RB1CC1: variants seen among roughly 807,000 people sequenced by gnomAD.
RB1CC1 encodes the protein RB1 inducible coiled-coil 1.
RB1CC1 carries 46 observed loss-of-function variants against 177.5 expected under a neutral mutation model. The ratio of observed to expected loss-of-function variants is 0.26; its 90% CI spans 0.20 to 0.33. The LOEUF is 0.33. Ranked by LOEUF, RB1CC1 falls within the 10% of genes least tolerant of loss-of-function variation. The pLI, the probability that RB1CC1 is intolerant of heterozygous loss-of-function variation, is 1.00. For synonymous variants in RB1CC1, 666 were observed against 613.6 expected, an observed-to-expected ratio of 1.09 and a Z score of -1.26; for missense variants, 1,703 against 1,816.3, an observed-to-expected ratio of 0.94 and a Z score of 1.13.
In RB1CC1 at chr8:52,656,252, G is replaced by T; in HGVS notation, c.3577C>A (p.Gln1193Lys). The change falls in exon 15 of 24, where the codon CAA becomes AAA. Residue 1193 changes from glutamine (Q) to lysine (K), a missense_variant. Around this residue, in one of 6 missense-constraint regions of RB1CC1, gnomAD observed 1,169 missense variants for 1,184.7 expected, o/e 0.99. Coordinates refer to ENST00000025008, the MANE Select transcript of RB1CC1 (RefSeq NM_014781.5). ...LDSELSALER[Q>K]KDEKITQQEE... ...TGTTGGGTAATTTTTTCATCTTTTT[G>T]TCTTTCAAGAGCACTCAATTCTGAA... 6.2e-7 allele frequency: 1 copy of T among 1,612,794 alleles called. No homozygotes were observed.
intron 15 of RB1CC1, among the ~76,000 whole-genome samples, chr8:52,648,108 G>A (rs920367264): frequency 6.6e-6 from 1 of 152,086 alleles, no homozygotes; most frequent in Non-Finnish European, 1.5e-5. Context: ...TACACAAACA[G>A]ATATAGACAC....
At chr8:52,671,494 A>T (rs1222787388) in intron 7 of RB1CC1, among the ~76,000 whole-genome samples, 1 of 152,222 alleles carries the variant, frequency 6.6e-6, no homozygotes, top group African/African-American at 2.4e-5. Context: ...GAAATCTCAT[A>T]CTCGGTTCAT....
Position 52,623,757 on chromosome 8 carries a change from A to G in RB1CC1, c.*25T>C. On this transcript the variant is annotated 3_prime_UTR_variant, in exon 24 of 24. Coordinates refer to ENST00000025008, the MANE Select transcript of RB1CC1 (RefSeq NM_014781.5). ...AGGACAAATCAGAAAAAAATGTCAT[A>G]GAATGTATTAATTTTGTCCATAAGT... is the stretch of plus-strand genomic sequence containing the variant. 2.6e-6 allele frequency: 4 copies of G among 1,517,784 alleles called. No homozygotes were observed. Among genetic ancestry groups the G allele is most frequent in the Non-Finnish European group, 3.7e-6 (4 of 1,093,472 alleles). 94.0% of individuals were successfully genotyped at this position (1,517,784 alleles called of 1,614,324 possible).
Position 52,657,093 on chromosome 8 carries a change from T to C in RB1CC1, c.2736A>G (p.Glu912=). 3 of 1,610,674 alleles carry C rather than the reference T, an allele frequency of 1.9e-6. No individual in the cohort carries two copies. The highest frequency in any genetic ancestry group is 2.2e-5 in the East Asian group (1 of 44,838). The part of the protein sequence containing the change: ...LEEVLQNKDN[E]FALVKHEKEA... ...CTTTTTCATGTTTAACCAAAGCAAA[T>C]TCATTATCTTTATTTTGTAAAACCT... The change falls in exon 15 of 24, where the codon GAA becomes GAG. Residue 912 remains glutamate, a synonymous_variant. Coordinates refer to ENST00000025008, the MANE Select transcript of RB1CC1 (RefSeq NM_014781.5).
chr8:52,686,743 A>G (rs1339466823), intron 2 of RB1CC1, 110 bp downstream of exon 2: 1 of 323,152 alleles, frequency 3.1e-6, no homozygotes, highest in African/African-American at 2.2e-5. Context: ...GCCTTAGAGA[A>G]TTATTAGAGA....
At chr8:52,627,882 T>G in intron 22 of RB1CC1, 150 bp downstream of exon 22, 1 of 614,034 alleles carries the variant, frequency 1.6e-6, no homozygotes, top group Non-Finnish European at 2.6e-6. Flanking sequence ...GAAAATAATC[T>G]AGATAATACA....
intron 20 of RB1CC1, among the ~76,000 whole-genome samples, chr8:52,631,039 C>T (rs1590913035): frequency 6.6e-6 from 1 of 152,282 alleles, no homozygotes; most frequent in East Asian, 1.9e-4. Context: ...TGTCCTTCCC[C>T]TATTGGCTGG....
At chr8:52,687,929 G>A (rs1202964714) in intron 1 of RB1CC1, among the ~76,000 whole-genome samples, 1 of 152,176 alleles carries the variant, frequency 6.6e-6, no homozygotes, top group East Asian at 1.9e-4. Flanking sequence ...GGGAAGTCAG[G>A]GACCCCAAAC....
chr8:52,676,197 T>C (rs1222599964), intron 6 of RB1CC1, among the ~76,000 whole-genome samples, 172 bp downstream of exon 6: 1 of 152,164 alleles, frequency 6.6e-6, no homozygotes, highest in Non-Finnish European at 1.5e-5. Flanking sequence ...GAATTATCAT[T>C]TTTTAAATTA....
chr8:52,705,177 A>G (rs111975946), intron 1 of RB1CC1, among the ~76,000 whole-genome samples: 26 of 152,338 alleles, frequency 1.7e-4, no homozygotes, highest in East Asian at 7.7e-4. Context: ...AGGAATCATG[A>G]TGCATTAATA....
Position 52,673,770 on chromosome 8 carries a change from A to C in RB1CC1, c.1002+75T>G, listed in dbSNP as rs1420662355. ...ACTAAAAGGTAATACCCATTCTCTC[A>C]GTACATAAAATATTTAGGATAAATA... On this transcript the variant is annotated intron_variant, in intron 7 of 23. Transcript: ENST00000025008. 1.1e-5 allele frequency: 15 copies of C among 1,332,096 alleles called. No homozygotes were observed. In the East Asian group the frequency reaches 3.5e-4, roughly 32 times the overall value. The allele number at this position is 1,332,096 out of a possible 1,614,324, so 82.5% of individuals were successfully genotyped here. A position where few individuals can be genotyped will look rare whatever the true frequency, so the allele number is the denominator to read the frequency against.
intron 7 of RB1CC1, among the ~76,000 whole-genome samples, chr8:52,668,931 T>G (rs1852317013): frequency 6.6e-6 from 1 of 152,230 alleles, no homozygotes; most frequent in Admixed American, 6.5e-5. Context: ...CTTTTCTGGC[T>G]CCTTTTGCTC....
intron 21 of RB1CC1, among the ~76,000 whole-genome samples, 161 bp from the exon 22 acceptor site, chr8:52,628,329 T>C (rs1030946287): frequency 5.9e-5 from 9 of 152,226 alleles, no homozygotes; most frequent in Non-Finnish European, 8.8e-5. Context: ...GCCCAGGTCC[T>C]AATGGGACTG....
At chr8:52,636,173 G>C in intron 18 of RB1CC1, 104 bp from the exon 19 acceptor site, 1 of 1,286,674 alleles carries the variant, frequency 7.8e-7, no homozygotes, top group South Asian at 1.7e-5. Context: ...ACAATTTAAG[G>C]GTTTTCATAA....
At chr8:52,642,123 G>A (rs936902844) in intron 18 of RB1CC1, among the ~76,000 whole-genome samples, 1 of 152,082 alleles carries the variant, frequency 6.6e-6, no homozygotes, top group African/African-American at 2.4e-5. Flanking sequence ...TATCTTGGCA[G>A]TATGGGATAA....
chr8:52,642,899 G>GTGGCACATTTGTACA, intron 16 of RB1CC1, 87 bp from the exon 17 acceptor site: 1 of 1,320,214 alleles, frequency 7.6e-7, no homozygotes, highest in East Asian at 2.7e-5. Context: ...ATTCTTTTCT[G>GTGGCACATTTGTACA]TGGCACATTT....
intron 7 of RB1CC1, 141 bp downstream of exon 7, chr8:52,673,704 A>T: frequency 1.3e-6 from 1 of 741,378 alleles, no homozygotes; most frequent in Non-Finnish European, 2.0e-6. Context: ...AAATTGATTC[A>T]ACCTATGTTA....
chr8:52,674,555 G>A (rs1852912250), intron 6 of RB1CC1, among the ~76,000 whole-genome samples: 1 of 152,120 alleles, frequency 6.6e-6, no homozygotes, highest in South Asian at 2.1e-4. Context: ...AATCATTTGA[G>A]GTCAGGAGTT....
chr8:52,698,654 G>T (rs2150675749), intron 1 of RB1CC1, among the ~76,000 whole-genome samples: 1 of 116,846 alleles, frequency 8.6e-6, no homozygotes, highest in Non-Finnish European at 1.7e-5. Flanking sequence ...AACAAAAACT[G>T]TATATGTAAT....
Sources: gnomAD v4.1 joint callset for allele counts (sites outside exome capture counted in the v4.1 genomes callset) on GRCh38, gnomAD v4.1.1 for gene constraint, gnomAD v4.1.1 regional missense constraint, MANE v1.5 for transcripts, NCBI Gene and HGNC (gene_info 2026-07-23, HGNC 2026-07-21) for gene names.